The following STXBP5L variants were observed in gnomAD, a reference collection of about 807,000 sequenced individuals.
STXBP5L encodes the protein syntaxin-binding protein 5-like.
In STXBP5L, 65 loss-of-function variants were observed where a neutral mutation model predicts 144.5. The ratio of observed to expected loss-of-function variants is 0.45; its 90% confidence interval spans 0.37 to 0.55. The LOEUF (loss-of-function observed/expected upper bound fraction) is 0.55. STXBP5L is among the 20% of genes least tolerant of loss of function. STXBP5L has a pLI of 0.00. For synonymous variants in STXBP5L, 505 were observed against 469.6 expected (o/e 1.08, Z -0.97); for missense variants, 1,298 against 1,405.5 (o/e 0.92, Z 1.22).
chr3:121,000,992 C>T (rs139093067), intron 3 of STXBP5L, among the ~76,000 whole-genome samples: 184 of 152,138 alleles, frequency 1.2e-3, no homozygotes, highest in African/African-American at 4.2e-3. Flanking sequence ...TGTACTCAGC[C>T]GGGGTGGCGG....
At chr3:121,408,018 C>A (rs1169107501) in intron 23 of STXBP5L, among the ~76,000 whole-genome samples, 1 of 151,976 alleles carries the variant, frequency 6.6e-6, no homozygotes, top group Non-Finnish European at 1.5e-5. Flanking sequence ...AATTTACATA[C>A]AGAGTTTCAT....
chr3:121,258,798 T>C (rs2050291829), intron 17 of STXBP5L, among the ~76,000 whole-genome samples: 1 of 151,672 alleles, frequency 6.6e-6, no homozygotes, highest in African/African-American at 2.4e-5. Flanking sequence ...AAAGAAAAAA[T>C]TGAAATGATA....
chr3:121,078,913 C>T (rs2042140643), intron 5 of STXBP5L, among the ~76,000 whole-genome samples: 1 of 152,246 alleles, frequency 6.6e-6, no homozygotes, highest in Non-Finnish European at 1.5e-5. Context: ...CACGCGCAGC[C>T]CCAGTTCCCA....
chr3:120,908,813 G>T (rs892457139), intron 1 of STXBP5L, among the ~76,000 whole-genome samples: 12 of 148,808 alleles, frequency 8.1e-5, no homozygotes, highest in Non-Finnish European at 1.6e-4. Context: ...GGAGGGAGGG[G>T]AGCAGGAGAT....
chr3:120,959,478 A>G (rs1194159235), intron 3 of STXBP5L, among the ~76,000 whole-genome samples: 1 of 152,258 alleles, frequency 6.6e-6, no homozygotes, highest in Non-Finnish European at 1.5e-5. Context: ...AGCTGGAGGC[A>G]TCATGCTACC....
At chr3:121,099,982 C>A (rs1056622706) in intron 5 of STXBP5L, among the ~76,000 whole-genome samples, 3 of 152,080 alleles carry the variant, frequency 2.0e-5, no homozygotes, top group Non-Finnish European at 4.4e-5. Context: ...TTTAAACCAA[C>A]AACCGTATAA....
At chr3:120,981,263 G>T (rs1005333828) in intron 3 of STXBP5L, among the ~76,000 whole-genome samples, 11 of 152,032 alleles carry the variant, frequency 7.2e-5, no homozygotes, top group Non-Finnish European at 4.4e-5. Flanking sequence ...AGCAAAACCA[G>T]GGAAGTTTTC....
chr3:120,986,041 AT>A (rs1252336406), intron 3 of STXBP5L, among the ~76,000 whole-genome samples: 1 of 151,914 alleles, frequency 6.6e-6, no homozygotes, highest in Non-Finnish European at 1.5e-5. Flanking sequence ...TAAACTAAAA[AT>A]TTTGGCCTTA....
At chr3:121,348,925 T>C (rs995385545) in intron 20 of STXBP5L, among the ~76,000 whole-genome samples, 2 of 152,136 alleles carry the variant, frequency 1.3e-5, no homozygotes, top group South Asian at 2.1e-4. Context: ...GATTCATTGA[T>C]TTTTTGAAGG....
intron 5 of STXBP5L, among the ~76,000 whole-genome samples, chr3:121,100,542 A>G (rs897720599): frequency 6.6e-6 from 1 of 152,182 alleles, no homozygotes; most frequent in African/African-American, 2.4e-5. Context: ...ATTATTTGAC[A>G]TAAATGAAAA....
intron 18 of STXBP5L, among the ~76,000 whole-genome samples, chr3:121,277,773 T>C (rs1008929910): frequency 6.6e-6 from 1 of 152,070 alleles, no homozygotes; most frequent in Non-Finnish European, 1.5e-5. Flanking sequence ...GAAATTAAGT[T>C]ACTTGGAATC....
chr3:120,913,980 A>G (rs527261417), intron 2 of STXBP5L, among the ~76,000 whole-genome samples: 66 of 152,168 alleles, frequency 4.3e-4, no homozygotes, highest in African/African-American at 1.6e-3. Flanking sequence ...TAACTTTTAT[A>G]TAAAGAGGTG....
intron 22 of STXBP5L, among the ~76,000 whole-genome samples, chr3:121,397,531 C>T (rs558703846): frequency 7.9e-5 from 12 of 152,248 alleles, no homozygotes; most frequent in East Asian, 5.8e-4. Context: ...AGGTTCTGGA[C>T]GCTTAACAAT....
intron 4 of STXBP5L, among the ~76,000 whole-genome samples, chr3:121,043,663 C>G (rs992140119): frequency 2.6e-5 from 4 of 152,032 alleles, no homozygotes; most frequent in African/African-American, 9.7e-5. Context: ...GAGCTAAGAT[C>G]GCACCACTGC....
chr3:121,253,759 T>C (rs1280363188), intron 15 of STXBP5L, among the ~76,000 whole-genome samples: 1 of 148,948 alleles, frequency 6.7e-6, no homozygotes, highest in Non-Finnish European at 1.5e-5. Flanking sequence ...CCCAGTAGAG[T>C]AGCTGGGACC....
chr3:121,102,399 A>T (rs1349117418), intron 5 of STXBP5L, among the ~76,000 whole-genome samples: 1 of 152,150 alleles, frequency 6.6e-6, no homozygotes, highest in Non-Finnish European at 1.5e-5. Flanking sequence ...GAACCCAGAA[A>T]TAAAGCCACA....
At chr3:121,025,825 A>G (rs940035816) in intron 3 of STXBP5L, among the ~76,000 whole-genome samples, 5 of 149,320 alleles carry the variant, frequency 3.3e-5, no homozygotes, top group African/African-American at 1.2e-4. Flanking sequence ...CCTCTAGAGC[A>G]TTACTTATAT....
intron 19 of STXBP5L, among the ~76,000 whole-genome samples, chr3:121,313,121 G>A (rs1471799205): frequency 1.9e-4 from 27 of 141,786 alleles, no homozygotes; most frequent in East Asian, 6.7e-4. Flanking sequence ...CAGACGGGGC[G>A]GCTGGCCAGG....
chr3:121,051,317 A>C (rs547596196), intron 5 of STXBP5L, among the ~76,000 whole-genome samples: 2 of 152,316 alleles, frequency 1.3e-5, no homozygotes, highest in East Asian at 1.9e-4. Context: ...CTATTCCAAA[A>C]TTGACCACAT....
Sources: allele counts gnomAD v4.1 joint callset (sites outside exome capture counted in the v4.1 genomes callset), GRCh38; gene constraint gnomAD v4.1.1; transcripts MANE v1.5; gene names NCBI Gene and HGNC (gene_info 2026-07-23, HGNC 2026-07-21).